Variants in TFIP11 observed in about 807,000 individuals in gnomAD.
TFIP11 encodes the protein tuftelin-interacting protein 11.
Under a neutral mutation model 96.8 loss-of-function variants are expected in TFIP11, and 86 were observed. That is an observed-to-expected ratio of 0.89 (90% confidence interval 0.75 to 1.06). TFIP11 has a LOEUF of 1.06. TFIP11 is among the 50% of genes least tolerant of loss of function. The pLI, the probability that TFIP11 is intolerant of heterozygous loss-of-function variation, is 0.00. For synonymous variants in TFIP11, 405 were observed against 395.2 expected (o/e 1.02, Z -0.29); for missense variants, 881 against 1,076.7 (o/e 0.82, Z 2.54).
rs1299729050 is a variant in TFIP11 at position 26,510,216 on chromosome 22, G to A, written c.57C>T (p.Asp19=). Residue 19 remains aspartate, a synonymous_variant, in exon 4 of 15, where the codon GAC becomes GAT. Transcript: ENST00000407690. ...DGEGRIDDDD[D]ERENFEITDW... ...CAGTGATCTCAAAGTTCTCCCGCTC[G>A]TCATCATCATCATCAATGCGGCCTT... 3.7e-5 allele frequency: 59 copies of A among 1,613,810 alleles called. No individual in the cohort carries two copies. The highest frequency in any genetic ancestry group is 5.5e-5 in the South Asian group (5 of 91,078).
chr22:26,506,957 G>C (rs201194138), intron 4 of TFIP11, 29 bp from the exon 5 acceptor site: 1 of 1,608,556 alleles, frequency 6.2e-7, no homozygotes, highest in Non-Finnish European at 8.5e-7. Context: ...AGCCCCACCA[G>C]GTCGGTAAAG....
At position 26,501,493 on chromosome 22, in the gene TFIP11, T is replaced by C. The variant is rs111262527; in HGVS notation, c.801+407A>G. 9.1e-3 allele frequency among the ~76,000 whole-genome samples: 1,377 copies of C among 151,222 alleles called. 21 individuals are homozygous for C. Among genetic ancestry groups the C allele is most frequent in the African/African-American group, 0.032 (1,317 of 41,200 alleles). On this transcript the variant is annotated intron_variant, in intron 8 of 14. Transcript: ENST00000407690. ...AAAGCTAAATGTCTAACAACGGAGGTAGGATCAAATAATACAGCACAGCCA... is the reference window on the plus strand; with the variant it reads ...AAAGCTAAATGTCTAACAACGGAGGCAGGATCAAATAATACAGCACAGCCA...
chr22:26,494,684 C>G, intron 13 of TFIP11, 113 bp downstream of exon 13: 1 of 1,436,290 alleles, frequency 7.0e-7, no homozygotes, highest in Non-Finnish European at 9.5e-7. Flanking sequence ...TCCTACCCTA[C>G]CATGTAATTT....
intron 4 of TFIP11, among the ~76,000 whole-genome samples, chr22:26,507,316 CATAA>C (rs1277076904): frequency 6.6e-6 from 1 of 152,044 alleles, no homozygotes; most frequent in African/African-American, 2.4e-5. Context: ...GATGGAAAAT[CATAA>C]ATAAAACCCA....
Position 26,499,330 on chromosome 22 carries a change from C to T in TFIP11, c.1103G>A (p.Arg368Gln), listed in dbSNP as rs374991151. The T allele has an allele frequency of 6.8e-6, 11 of 1,614,038 alleles. No individual in the cohort carries two copies. The highest frequency in any genetic ancestry group is 4.4e-5 in the South Asian group (4 of 91,088). Residue 368 changes from arginine (R) to glutamine (Q), a missense_variant, in exon 9 of 15, where the codon CGG becomes CAG. By Grantham distance (43) the Arg-to-Gln change is conservative. Coordinates refer to ENST00000407690, the MANE Select transcript of TFIP11 (RefSeq NM_012143.4). ...KMTEVLDHEE[R>Q]VISNLSKVLE... ...GACCTTGCTGAGGTTCGAGATGACC[C>T]GCTCCTCGTGGTCCAGGACCTCGGT...
chr22:26,496,393 G>C, intron 11 of TFIP11, 77 bp from the exon 12 acceptor site: 1 of 1,512,778 alleles, frequency 6.6e-7, no homozygotes, highest in Non-Finnish European at 8.8e-7. Flanking sequence ...CTAAAGGCAA[G>C]AGCTGCCCCT....
At position 26,496,215 on chromosome 22, in the gene TFIP11, G is replaced by A; in HGVS notation, c.1707C>T (p.Pro569=). 2 of 1,613,948 alleles carry A rather than the reference G, an allele frequency of 1.2e-6. No homozygotes were observed. Among genetic ancestry groups the A allele is most frequent in the Non-Finnish European group, 1.7e-6 (2 of 1,179,980 alleles). The change falls in exon 12 of 15, where the codon CCC becomes CCT. Residue 569 remains proline (P), a synonymous_variant. Coordinates refer to ENST00000407690, the MANE Select transcript of TFIP11 (RefSeq NM_012143.4). ...GGGCGCTGGACAGCTTACTACGGATGGGGGAATAGAGTGGCTCCAGCCGTG... is the reference window on the plus strand; with the variant it reads ...GGGCGCTGGACAGCTTACTACGGATAGGGGAATAGAGTGGCTCCAGCCGTG... The part of the protein sequence containing the change: ...MQARLEPLYS[P]IRSKLSSALQ...
chr22:26,499,137 C>T lies in TFIP11; in HGVS notation c.1296G>A (p.Met432Ile). 1 of 1,594,340 alleles carries T rather than the reference C, an allele frequency of 6.3e-7. No homozygotes were observed. Among genetic ancestry groups the T allele is most frequent in the Non-Finnish European group, 8.6e-7 (1 of 1,167,604 alleles). Reference protein sequence around the residue: ...DLAVAIVYPLMKEYFKEWDPL... With the variant: ...DLAVAIVYPLIKEYFKEWDPL... ...GATCCCACTCCTTGAAGTACTCCTT[C>T]ATGAGTGGATAGACGATGGCCACAG... The change falls in exon 9 of 15, where the codon ATG becomes ATA. Residue 432 changes from methionine to isoleucine, a missense_variant. Coordinates refer to ENST00000407690, the MANE Select transcript of TFIP11 (RefSeq NM_012143.4).
At chr22:26,495,842 C>T (rs4822728) in intron 12 of TFIP11, among the ~76,000 whole-genome samples, 56,969 of 151,750 alleles carry the variant, frequency 0.38, 11,063 homozygotes, top group East Asian at 0.49. Flanking sequence ...GCACAGAGTC[C>T]GATATTGTCA....
rs1437591396 is a variant in TFIP11 at position 26,496,188 on chromosome 22, C to T, written c.1734G>A (p.Leu578=). The part of the protein sequence containing the change: ...SPIRSKLSSA[L]QKWHPSDSSA... ...AGGAGTCGCTGGGGTGCCACTTCTG[C>T]AGGGCGCTGGACAGCTTACTACGGA... The change falls in exon 12 of 15, where the codon CTG becomes CTA. Residue 578 remains leucine (L), a synonymous_variant. Coordinates refer to ENST00000407690, the MANE Select transcript of TFIP11 (RefSeq NM_012143.4). 6.2e-7 allele frequency: 1 copy of T among 1,613,940 alleles called. No homozygotes were observed. Among genetic ancestry groups the T allele is most frequent in the East Asian group, 2.2e-5 (1 of 44,874 alleles).
rs1365533279 is a variant in TFIP11 at position 26,491,955 on chromosome 22, A to G, written c.*58T>C. On this transcript the variant is annotated 3_prime_UTR_variant, in exon 15 of 15. Transcript: ENST00000407690. ...TGAAGGTGATCTAAAAATACTGTTT[A>G]TTTACAGTACATCCCTCTTAGGGGC... 1.4e-6 allele frequency: 2 copies of G among 1,471,030 alleles called. No individual in the cohort carries two copies. The highest frequency in any genetic ancestry group is 1.4e-5 in the African/African-American group (1 of 71,202). 91.1% of individuals were successfully genotyped at this position (1,471,030 alleles called of 1,614,324 possible). A position where few individuals can be genotyped will look rare whatever the true frequency, so the allele number is the denominator to read the frequency against.
rs202069268 is a variant in TFIP11 at position 26,499,238 on chromosome 22, C to G, written c.1195G>C (p.Glu399Gln). 6 of 1,613,998 alleles carry G rather than the reference C, an allele frequency of 3.7e-6. No homozygotes were observed. Among genetic ancestry groups the G allele is most frequent in the Non-Finnish European group, 5.1e-6 (6 of 1,179,952 alleles). ...AGGGTTTCGAAGATGCGGGCACACT[C>G]GTCCAGGGTGAGGGGGTTGCTGCAG... Reference protein sequence around the residue: ...PDCSNPLTLDECARIFETLQD... With the variant: ...PDCSNPLTLDQCARIFETLQD... Residue 399 changes from glutamate (E) to glutamine (Q), a missense_variant, in exon 9 of 15, where the codon GAG becomes CAG. Transcript: ENST00000407690.
At chr22:26,503,205 T>A (rs1366080989) in intron 7 of TFIP11, among the ~76,000 whole-genome samples, 1 of 152,046 alleles carries the variant, frequency 6.6e-6, no homozygotes, top group East Asian at 1.9e-4. Flanking sequence ...CCCCTCTGAA[T>A]GCACTTCCTT....
At chr22:26,494,446 T>C (rs550219010) in intron 13 of TFIP11, 142 bp from the exon 14 acceptor site, 8 of 1,007,716 alleles carry the variant, frequency 7.9e-6, no homozygotes, top group Non-Finnish European at 1.2e-5. Context: ...CTAAACAGTC[T>C]AGCACTTATG....
In TFIP11 at chr22:26,495,291, T is replaced by G. The variant is rs1221584460; in HGVS notation, c.1850-352A>C. Reference sequence around the variant, plus strand: ...TTTTTTTTTTTTTTTTTTTTTTTTTTTTTTGTTGAGACAGGGTCTCACTGT... The same window carrying G: ...TTTTTTTTTTTTTTTTTTTTTTTTTGTTTTGTTGAGACAGGGTCTCACTGT... On this transcript the variant is annotated intron_variant, in intron 12 of 14. Transcript: ENST00000407690. Among the ~76,000 whole-genome samples, 3 of 105,886 alleles carry G rather than the reference T, an allele frequency of 2.8e-5. No individual in the cohort carries two copies. In the Admixed American group the frequency reaches 3.2e-4, roughly 11 times the overall value. The allele number at this position is 105,886 out of a possible 152,430, so 69.5% of individuals were successfully genotyped here. A position where few individuals can be genotyped will look rare whatever the true frequency, so the allele number is the denominator to read the frequency against.
At chr22:26,499,008 G>A (rs58798956) in intron 9 of TFIP11, 33 bp from the exon 10 acceptor site, 66,870 of 1,611,488 alleles carry the variant, frequency 0.041, 1,645 homozygotes, top group African/African-American at 0.077. Context: ...GAGGGGCAGC[G>A]GGCTCTCCAG....
In TFIP11 at chr22:26,492,217, G is replaced by A; in HGVS notation, c.2310C>T (p.Pro770=). The change falls in exon 15 of 15, where the codon CCC becomes CCT. Residue 770 remains proline (P), a synonymous_variant. Coordinates refer to ENST00000407690, the MANE Select transcript of TFIP11 (RefSeq NM_012143.4). The part of the protein sequence containing the change: ...RGIGVAASSV[P]MNFKDLIETK... ...TCTCAATGAGGTCCTTAAAGTTCATGGGCACAGAGCTAGCGGCCACGCCAA... is the reference window on the plus strand; with the variant it reads ...TCTCAATGAGGTCCTTAAAGTTCATAGGCACAGAGCTAGCGGCCACGCCAA... 1 of 1,614,196 alleles carries A rather than the reference G, an allele frequency of 6.2e-7. No homozygotes were observed. Among genetic ancestry groups the A allele is most frequent in the Non-Finnish European group, 8.5e-7 (1 of 1,180,048 alleles).
rs1404077921 is a variant in TFIP11 at position 26,491,949 on chromosome 22, CTGTT to C, written c.*60_*63del. The C allele has an allele frequency of 3.5e-6, 5 of 1,437,280 alleles. No homozygotes were observed. The Admixed American group carries it at 6.4e-5, about 18-fold the overall frequency. 89.0% of individuals were successfully genotyped at this position (1,437,280 alleles called of 1,614,324 possible). On this transcript the variant is annotated 3_prime_UTR_variant, in exon 15 of 15. Coordinates refer to ENST00000407690, the MANE Select transcript of TFIP11 (RefSeq NM_012143.4). ...CCCTTTTGAAGGTGATCTAAAAATA[CTGTT>C]TATTTACAGTACATCCCTCTTAGGG...
At chr22:26,510,329 C>G (rs1406744988) in intron 3 of TFIP11, 48 bp from the exon 4 acceptor site, 2 of 1,558,234 alleles carry the variant, frequency 1.3e-6, no homozygotes, top group Admixed American at 1.7e-5. Flanking sequence ...CTGGGGGCAG[C>G]AGTCGAAGGA....
Sources: allele counts gnomAD v4.1 joint callset (sites outside exome capture counted in the v4.1 genomes callset), GRCh38; gene constraint gnomAD v4.1.1; transcripts MANE v1.5; gene names NCBI Gene and HGNC (gene_info 2026-07-23, HGNC 2026-07-21).